CSGALNACT1: variants seen among roughly 807,000 people sequenced by gnomAD.
CSGALNACT1 encodes the protein beta4GalNAcT-1.
In CSGALNACT1, 52 loss-of-function variants were observed where a neutral mutation model predicts 51.0. The ratio of observed to expected loss-of-function variants is 1.02; its 90% CI spans 0.82 to 1.29. CSGALNACT1 has a LOEUF of 1.29. CSGALNACT1 is among the 50% of genes most tolerant of loss of function. The probability of loss-of-function intolerance (pLI) is 0.00; values close to 1 mark genes in which losing one functional copy is unlikely to be tolerated. For synonymous variants in CSGALNACT1, 341 were observed against 254.4 expected, an observed-to-expected ratio of 1.34 and a Z score of -3.24; for missense variants, 935 against 679.2, an observed-to-expected ratio of 1.38 and a Z score of -4.19.
At chr8:19,558,072 T>G (rs1021936536) in intron 3 of CSGALNACT1, among the ~76,000 whole-genome samples, 3 of 152,256 alleles carry the variant, frequency 2.0e-5, no homozygotes, top group Admixed American at 2.0e-4. Context: ...AAGGAAATTG[T>G]ACTGCATGGC....
At chr8:19,655,033 G>T (rs145036090) in intron 1 of CSGALNACT1, among the ~76,000 whole-genome samples, 2 of 152,032 alleles carry the variant, frequency 1.3e-5, no homozygotes, top group Non-Finnish European at 2.9e-5. Context: ...TAAAAAATGG[G>T]TATCAAAATA....
chr8:19,552,077 T>C (rs1042423406), intron 3 of CSGALNACT1, among the ~76,000 whole-genome samples: 1 of 152,102 alleles, frequency 6.6e-6, no homozygotes, highest in Non-Finnish European at 1.5e-5. Flanking sequence ...CATGGAGAGA[T>C]TTCAGATGGG....
chr8:19,580,100 T>G (rs1199419153), intron 3 of CSGALNACT1, among the ~76,000 whole-genome samples: 2 of 152,310 alleles, frequency 1.3e-5, no homozygotes, highest in African/African-American at 2.4e-5. Context: ...CCTGGCCAGG[T>G]TGCACTGGAC....
At chr8:19,708,734 C>T (rs1456205734) in intron 1 of CSGALNACT1, among the ~76,000 whole-genome samples, 1 of 152,138 alleles carries the variant, frequency 6.6e-6, no homozygotes, top group Non-Finnish European at 1.5e-5. Flanking sequence ...CCGTTCTGTC[C>T]ACTCCCCGGG....
At chr8:19,611,241 C>A (rs1355080181) in intron 1 of CSGALNACT1, among the ~76,000 whole-genome samples, 2 of 152,210 alleles carry the variant, frequency 1.3e-5, no homozygotes, top group Non-Finnish European at 2.9e-5. Context: ...AAAAGTCATT[C>A]TGAGCACTTA....
intron 3 of CSGALNACT1, among the ~76,000 whole-genome samples, chr8:19,586,854 T>C (rs2046775746): frequency 1.3e-5 from 2 of 152,196 alleles, no homozygotes; most frequent in Admixed American, 6.5e-5. Flanking sequence ...AGGTACATCG[T>C]ACCCTACCAG....
intron 4 of CSGALNACT1, among the ~76,000 whole-genome samples, chr8:19,472,822 T>G (rs2068515569): frequency 6.6e-6 from 1 of 152,156 alleles, no homozygotes; most frequent in South Asian, 2.1e-4. Context: ...AATATAATAC[T>G]CATTCATTGA....
chr8:19,627,181 C>G (rs767260301), intron 1 of CSGALNACT1, among the ~76,000 whole-genome samples: 7 of 152,168 alleles, frequency 4.6e-5, no homozygotes, highest in African/African-American at 1.7e-4. Context: ...AAACTACCAT[C>G]CATCCATTTA....
intron 2 of CSGALNACT1, among the ~76,000 whole-genome samples, chr8:19,597,904 GTAAA>G (rs1310834919): frequency 6.6e-6 from 1 of 152,216 alleles, no homozygotes; most frequent in Non-Finnish European, 1.5e-5. Flanking sequence ...CATCTAACCA[GTAAA>G]TAATTATGAA....
At chr8:19,560,742 C>G (rs1488644442) in intron 3 of CSGALNACT1, among the ~76,000 whole-genome samples, 1 of 152,148 alleles carries the variant, frequency 6.6e-6, no homozygotes, top group Non-Finnish European at 1.5e-5. Flanking sequence ...GATGTAACAC[C>G]ACTTGGAACA....
intron 3 of CSGALNACT1, among the ~76,000 whole-genome samples, chr8:19,579,812 T>G (rs745695692): frequency 6.6e-6 from 1 of 152,250 alleles, no homozygotes; most frequent in Non-Finnish European, 1.5e-5. Flanking sequence ...CCATATGTAT[T>G]GCAGTCATGG....
At chr8:19,461,414 G>A (rs1422453066) in intron 4 of CSGALNACT1, among the ~76,000 whole-genome samples, 1 of 152,066 alleles carries the variant, frequency 6.6e-6, no homozygotes, top group Non-Finnish European at 1.5e-5. Flanking sequence ...ACCATGGAGG[G>A]TGTATCCACA....
intron 3 of CSGALNACT1, among the ~76,000 whole-genome samples, chr8:19,527,945 G>A (rs1304519402): frequency 2.0e-5 from 3 of 152,114 alleles, no homozygotes; most frequent in Non-Finnish European, 4.4e-5. Context: ...AAGACTGAAG[G>A]AGATAAACTC....
intron 4 of CSGALNACT1, among the ~76,000 whole-genome samples, chr8:19,498,225 GC>G (rs997976461): frequency 6.6e-6 from 1 of 152,146 alleles, no homozygotes; most frequent in Non-Finnish European, 1.5e-5. Context: ...CTGAGACCTG[GC>G]TTTCTCCTCC....
intron 3 of CSGALNACT1, among the ~76,000 whole-genome samples, chr8:19,581,335 T>C (rs2045522348): frequency 6.6e-6 from 1 of 152,230 alleles, no homozygotes; most frequent in African/African-American, 2.4e-5. Context: ...AATTATGCTA[T>C]TTTGATATCC....
chr8:19,520,213 GA>G (rs1198821645), intron 3 of CSGALNACT1, among the ~76,000 whole-genome samples: 2 of 152,218 alleles, frequency 1.3e-5, no homozygotes, highest in African/African-American at 2.4e-5. Flanking sequence ...GTATTGTGCA[GA>G]ATTATTTTAG....
intron 1 of CSGALNACT1, among the ~76,000 whole-genome samples, chr8:19,662,909 A>T (rs886579861): frequency 6.6e-6 from 1 of 152,168 alleles, no homozygotes; most frequent in South Asian, 2.1e-4. Context: ...ACTCCCATGA[A>T]ACAATGAGGC....
chr8:19,725,978 C>T (rs1318735676), intron 1 of CSGALNACT1, among the ~76,000 whole-genome samples: 1 of 152,132 alleles, frequency 6.6e-6, no homozygotes, highest in African/African-American at 2.4e-5. Flanking sequence ...TGTACAATGA[C>T]ATGGAGCCAC....
At chr8:19,647,800 C>A (rs2057413683) in intron 1 of CSGALNACT1, among the ~76,000 whole-genome samples, 1 of 152,174 alleles carries the variant, frequency 6.6e-6, no homozygotes, top group Non-Finnish European at 1.5e-5. Flanking sequence ...ATTATATTAT[C>A]ATTTGAAAGT....
Sources: gnomAD v4.1 joint callset for allele counts (sites outside exome capture counted in the v4.1 genomes callset) on GRCh38, gnomAD v4.1.1 for gene constraint, MANE v1.5 for transcripts, NCBI Gene and HGNC (gene_info 2026-07-23, HGNC 2026-07-21) for gene names.